Variants in SLC9A2 observed in about 807,000 individuals in gnomAD.
SLC9A2 encodes the protein solute carrier family 9 member A2.
In SLC9A2, 42 loss-of-function variants were observed where a neutral mutation model predicts 71.7. The ratio of observed to expected loss-of-function variants is 0.59; its 90% CI spans 0.46 to 0.76. The LOEUF (loss-of-function observed/expected upper bound fraction) is 0.76, where lower values mean the gene tolerates loss of function less well. SLC9A2 is among the 30% of genes least tolerant of loss of function. The pLI is 0.00. For synonymous variants in SLC9A2, 396 were observed against 392.5 expected, an observed-to-expected ratio of 1.01 and a Z score of -0.10; for missense variants, 829 against 1,017.4, an observed-to-expected ratio of 0.81 and a Z score of 2.52.
At chr2:102,666,772 G>C (rs1343328649) in intron 3 of SLC9A2, among the ~76,000 whole-genome samples, 1 of 152,104 alleles carries the variant, frequency 6.6e-6, no homozygotes, top group Admixed American at 6.6e-5. Context: ...CCCTGTATAC[G>C]GTCAGTGAGA....
intron 1 of SLC9A2, among the ~76,000 whole-genome samples, chr2:102,657,056 T>C (rs1234174700): frequency 2.0e-5 from 3 of 151,860 alleles, no homozygotes; most frequent in Admixed American, 1.3e-4. Context: ...AATGCAAAAA[T>C]TAGCCAGGCA....
chr2:102,693,128 T>C (rs1381235264), intron 5 of SLC9A2, among the ~76,000 whole-genome samples: 1 of 152,074 alleles, frequency 6.6e-6, no homozygotes, highest in Non-Finnish European at 1.5e-5. Flanking sequence ...GTTTATTCTG[T>C]TTCATTTAAA....
chr2:102,688,953 T>C (rs1359022003), intron 5 of SLC9A2, among the ~76,000 whole-genome samples: 1 of 152,184 alleles, frequency 6.6e-6, no homozygotes, highest in Non-Finnish European at 1.5e-5. Flanking sequence ...ATTCAAGAGA[T>C]AGCAGCCTCT....
chr2:102,667,783 T>A (rs2104527871), intron 3 of SLC9A2, among the ~76,000 whole-genome samples: 1 of 152,168 alleles, frequency 6.6e-6, no homozygotes, highest in East Asian at 1.9e-4. Flanking sequence ...ACTAATATTG[T>A]CATTGGCCAG....
rs565579353 is a variant in SLC9A2 at position 102,653,852 on chromosome 2, T to C, written c.290-3712T>C. Among the ~76,000 whole-genome samples the C allele has an allele frequency of 8.3e-4, 126 of 152,354 alleles. 2 individuals carry two copies. Among genetic ancestry groups the C allele is most frequent in the African/African-American group, 2.8e-3 (115 of 41,588 alleles). On this transcript the variant is annotated intron_variant, in intron 1 of 11. Coordinates refer to ENST00000233969, the MANE Select transcript of SLC9A2 (RefSeq NM_003048.6). ...TTTAAAACTGTTTTCTCTTGCCTTC[T>C]TACATATAGGAGGGGAAGGCAACTA...
intron 1 of SLC9A2, among the ~76,000 whole-genome samples, chr2:102,626,371 T>A (rs11886134): frequency 6.6e-6 from 1 of 151,950 alleles, no homozygotes; most frequent in South Asian, 2.1e-4. Flanking sequence ...CTAGCCATAT[T>A]TAGAAAGCCA....
At chr2:102,684,408 G>C in intron 5 of SLC9A2, 72 bp downstream of exon 5, 1 of 1,319,662 alleles carries the variant, frequency 7.6e-7, no homozygotes, top group Non-Finnish European at 1.1e-6. Flanking sequence ...TTTACAGGAT[G>C]CAAAGTAGCA....
intron 1 of SLC9A2, among the ~76,000 whole-genome samples, chr2:102,631,249 C>CA (rs988525804): frequency 1.3e-5 from 2 of 151,800 alleles, no homozygotes; most frequent in African/African-American, 4.8e-5. Context: ...AAGGAGTTGA[C>CA]ATATTTCTTT....
At chr2:102,622,544 T>C (rs368251927) in intron 1 of SLC9A2, among the ~76,000 whole-genome samples, 13 of 152,330 alleles carry the variant, frequency 8.5e-5, no homozygotes, top group African/African-American at 3.1e-4. Context: ...GGTGTTGTTT[T>C]CCTGGTTTCA....
intron 9 of SLC9A2, among the ~76,000 whole-genome samples, chr2:102,702,838 C>G (rs1326414615): frequency 6.6e-6 from 1 of 152,148 alleles, no homozygotes; most frequent in Non-Finnish European, 1.5e-5. Flanking sequence ...CCTCACCCTC[C>G]TTGTTATTTA....
chr2:102,622,306 A>G (rs1676155901), intron 1 of SLC9A2, among the ~76,000 whole-genome samples: 1 of 152,080 alleles, frequency 6.6e-6, no homozygotes, highest in South Asian at 2.1e-4. Context: ...TGGCGAGCCA[A>G]AATGAATGAC....
intron 1 of SLC9A2, among the ~76,000 whole-genome samples, chr2:102,628,591 G>T (rs543767189): frequency 1.3e-5 from 2 of 151,876 alleles, no homozygotes; most frequent in Non-Finnish European, 2.9e-5. Context: ...TTTGATATGC[G>T]GGGTTTCCAC....
At chr2:102,688,314 A>G (rs1677589684) in intron 5 of SLC9A2, among the ~76,000 whole-genome samples, 1 of 152,162 alleles carries the variant, frequency 6.6e-6, no homozygotes, top group Non-Finnish European at 1.5e-5. Context: ...GCCTCAGTTT[A>G]CTTAGCTGTA....
At chr2:102,667,296 T>TG (rs946290123) in intron 3 of SLC9A2, among the ~76,000 whole-genome samples, 5 of 152,092 alleles carry the variant, frequency 3.3e-5, no homozygotes, top group African/African-American at 4.8e-5. Context: ...AAAAAGAGTG[T>TG]GGGGGCGGGA....
chr2:102,623,111 G>A (rs758650507), intron 1 of SLC9A2, among the ~76,000 whole-genome samples: 4 of 152,070 alleles, frequency 2.6e-5, no homozygotes, highest in Non-Finnish European at 4.4e-5. Flanking sequence ...TGTTCTAGTT[G>A]CCAGTTTCGG....
At chr2:102,651,348 C>G (rs948407480) in intron 1 of SLC9A2, among the ~76,000 whole-genome samples, 5 of 152,190 alleles carry the variant, frequency 3.3e-5, no homozygotes, top group Non-Finnish European at 5.9e-5. Context: ...TCTGCAGGCT[C>G]TAGCATTTTT....
At chr2:102,685,322 T>A (rs1677528399) in intron 5 of SLC9A2, among the ~76,000 whole-genome samples, 1 of 152,132 alleles carries the variant, frequency 6.6e-6, no homozygotes, top group African/African-American at 2.4e-5. Flanking sequence ...GAGTCCTACA[T>A]CATGCAGGGC....
chr2:102,708,422 C>T lies in SLC9A2; in HGVS notation c.2372C>T (p.Pro791Leu). The T allele has an allele frequency of 6.2e-7, 1 of 1,614,202 alleles. No homozygotes were observed. Among genetic ancestry groups the T allele is most frequent in the Non-Finnish European group, 8.5e-7 (1 of 1,180,032 alleles). The change falls in exon 12 of 12, where the codon CCA (proline) becomes CTA (leucine). Residue 791 changes from proline (P) to leucine (L), a missense_variant. Physicochemically the swap from Pro to Leu is moderately conservative, Grantham distance 98 (BLOSUM62 -3). Around this residue, in one of 3 missense-constraint regions of SLC9A2, gnomAD observed 223 missense variants for 197.5 expected, o/e 1.13. Transcript: ENST00000233969. Reference protein sequence around the residue: ...LTEGIPPKPPPRLVWRASEPG... With the variant: ...LTEGIPPKPPLRLVWRASEPG... ...GAAGGCATCCCGCCCAAGCCGCCAC[C>T]ACGGCTGGTCTGGAGGGCATCGGAA... is the stretch of plus-strand genomic sequence containing the variant.
chr2:102,648,783 C>A (rs532647945), intron 1 of SLC9A2, among the ~76,000 whole-genome samples: 1 of 151,904 alleles, frequency 6.6e-6, no homozygotes, highest in Non-Finnish European at 1.5e-5. Flanking sequence ...ACAAAGGACA[C>A]GAAGGACCTC....
Sources: gnomAD v4.1 joint callset for allele counts (sites outside exome capture counted in the v4.1 genomes callset) on GRCh38, gnomAD v4.1.1 for gene constraint, gnomAD v4.1.1 regional missense constraint, MANE v1.5 for transcripts, NCBI Gene and HGNC (gene_info 2026-07-23, HGNC 2026-07-21) for gene names.